The following RARB variants were observed in gnomAD, a reference collection of about 807,000 sequenced individuals.
The protein encoded by RARB is retinoic acid receptor beta, also known as HBV-activated protein.
RARB carries 17 observed loss-of-function variants against 51.9 expected under a neutral mutation model. The observed-to-expected ratio is 0.33, with a 90% confidence interval of 0.22 to 0.49. The LOEUF is 0.49. Among genes scored for constraint, RARB ranks in the 20% least tolerant of loss-of-function variants. The pLI is 0.99. For missense variants in RARB, 369 were observed against 550.8 expected (o/e 0.67, Z 3.30); for synonymous variants, 215 against 195.4 (o/e 1.10, Z -0.84).
intron 3 of RARB, among the ~76,000 whole-genome samples, chr3:25,064,636 G>C (rs1698624405): frequency 6.6e-6 from 1 of 152,126 alleles, no homozygotes; most frequent in Non-Finnish European, 1.5e-5. Context: ...AATAGGAAGA[G>C]AGCTAATAAA....
At chr3:25,461,993 T>C (rs1286270751) in intron 2 of RARB, among the ~76,000 whole-genome samples, 1 of 152,228 alleles carries the variant, frequency 6.6e-6, no homozygotes, top group Non-Finnish European at 1.5e-5. Context: ...TGTAGTTTTA[T>C]CTTATTTTTG....
intron 3 of RARB, among the ~76,000 whole-genome samples, chr3:25,071,962 C>T (rs944667409): frequency 1.3e-5 from 2 of 152,166 alleles, no homozygotes; most frequent in Non-Finnish European, 1.5e-5. Flanking sequence ...CAAGGCAAAC[C>T]ATGCTACCTA....
intron 2 of RARB, among the ~76,000 whole-genome samples, chr3:24,957,500 AG>A (rs1696042426): frequency 1.3e-5 from 2 of 152,220 alleles, no homozygotes; most frequent in Admixed American, 1.3e-4. Flanking sequence ...GAGTGACCAA[AG>A]AAAAAGATCC....
intron 2 of RARB, among the ~76,000 whole-genome samples, chr3:25,049,720 T>C (rs952908194): frequency 1.3e-5 from 2 of 152,238 alleles, no homozygotes; most frequent in South Asian, 4.1e-4. Context: ...TAGCTCAGCA[T>C]CTTCACATTT....
chr3:25,505,399 T>G (rs1439909388), intron 3 of RARB, among the ~76,000 whole-genome samples: 1 of 152,230 alleles, frequency 6.6e-6, no homozygotes, highest in Admixed American at 6.5e-5. Context: ...CCATGCTCCT[T>G]GCTCTATATT....
chr3:24,895,703 T>C (rs983545847), intron 2 of RARB, among the ~76,000 whole-genome samples: 2 of 152,082 alleles, frequency 1.3e-5, no homozygotes, highest in African/African-American at 4.8e-5. Context: ...GGATGGCTAC[T>C]ATCAAACAGA....
rs2125588830 is a variant in RARB at position 25,487,739 on chromosome 3, T to G, written c.307-13443T>G. 3.3e-5 allele frequency among the ~76,000 whole-genome samples: 5 copies of G among 152,304 alleles called. No homozygotes were observed. The South Asian group carries it at 1.0e-3, about 32-fold the overall frequency. On this transcript the variant is annotated intron_variant, in intron 2 of 7. Coordinates refer to ENST00000330688, the MANE Select transcript of RARB (RefSeq NM_000965.5). ...TTCTGAGGGGCTCCTAAAACACCTT[T>G]CTGTTTTCTTGGCAGGATGAAAGCA...
intron 3 of RARB, among the ~76,000 whole-genome samples, chr3:25,071,419 T>A (rs1156910414): frequency 3.9e-5 from 6 of 152,192 alleles, no homozygotes; most frequent in Non-Finnish European, 8.8e-5. Context: ...AAGTAATATA[T>A]CTTTCCCTCC....
intron 3 of RARB, among the ~76,000 whole-genome samples, chr3:25,554,067 G>C (rs1209929735): frequency 1.3e-5 from 2 of 151,610 alleles, no homozygotes; most frequent in South Asian, 4.2e-4. Context: ...GGTGAGGAAT[G>C]TGTGTGTCTA....
At chr3:25,281,133 G>C (rs76826955) in intron 5 of RARB, among the ~76,000 whole-genome samples, 3,458 of 152,270 alleles carry the variant, frequency 0.023, 98 homozygotes, top group African/African-American at 0.066. Context: ...CCACTCTCTT[G>C]ACTGGAATCC....
chr3:24,987,565 A>T (rs576450883), intron 2 of RARB, among the ~76,000 whole-genome samples: 1 of 152,384 alleles, frequency 6.6e-6, no homozygotes, highest in African/African-American at 2.4e-5. Context: ...TTAGAAATAT[A>T]TTCCATTTTT....
intron 3 of RARB, among the ~76,000 whole-genome samples, chr3:25,529,514 A>G (rs570914170): frequency 1.3e-5 from 2 of 152,340 alleles, no homozygotes; most frequent in East Asian, 3.9e-4. Flanking sequence ...TAATGGATAG[A>G]AATGTGATAA....
intron 1 of RARB, among the ~76,000 whole-genome samples, chr3:25,434,478 T>C (rs1273188553): frequency 6.6e-6 from 1 of 151,534 alleles, no homozygotes; most frequent in Non-Finnish European, 1.5e-5. Context: ...ACTCTCCATA[T>C]AGAACAAAAC....
chr3:24,884,770 T>G (rs17015388), intron 2 of RARB, among the ~76,000 whole-genome samples: 2,211 of 152,294 alleles, frequency 0.015, 48 homozygotes, highest in African/African-American at 0.05. Context: ...ATTAACTCTT[T>G]GTGTAGGAGC....
At chr3:25,542,067 G>A (rs779602542) in intron 3 of RARB, among the ~76,000 whole-genome samples, 3 of 152,256 alleles carry the variant, frequency 2.0e-5, no homozygotes, top group Admixed American at 6.5e-5. Flanking sequence ...ATTAGGGCTG[G>A]CAAAGAAGAG....
At chr3:25,513,682 A>G (rs1480340163) in intron 3 of RARB, among the ~76,000 whole-genome samples, 4 of 151,946 alleles carry the variant, frequency 2.6e-5, no homozygotes, top group Non-Finnish European at 5.9e-5. Context: ...ACACACACAC[A>G]CACATTTCAT....
chr3:25,362,515 G>A (rs1376202320), intron 5 of RARB, among the ~76,000 whole-genome samples: 2 of 152,176 alleles, frequency 1.3e-5, no homozygotes, highest in Non-Finnish European at 2.9e-5. Context: ...AGGCGCCACA[G>A]GGGTATGGAA....
At chr3:25,278,057 A>G (rs1703435127) in intron 5 of RARB, among the ~76,000 whole-genome samples, 1 of 152,132 alleles carries the variant, frequency 6.6e-6, no homozygotes, top group Non-Finnish European at 1.5e-5. Flanking sequence ...TTGCTAGACG[A>G]TATAGTGCTC....
chr3:25,573,099 G>C (rs1393244527), intron 4 of RARB, among the ~76,000 whole-genome samples: 1 of 152,070 alleles, frequency 6.6e-6, no homozygotes, highest in East Asian at 1.9e-4. Flanking sequence ...GATACTCTTA[G>C]GTATCCTCTA....
Sources: gnomAD v4.1 joint callset for allele counts (sites outside exome capture counted in the v4.1 genomes callset) on GRCh38, gnomAD v4.1.1 for gene constraint, MANE v1.5 for transcripts, NCBI Gene and HGNC (gene_info 2026-07-23, HGNC 2026-07-21) for gene names.